CDH23: variants seen among roughly 807,000 people sequenced by gnomAD.
CDH23 encodes the protein cadherin related 23, also known as cadherin-23.
CDH23 carries 189 observed loss-of-function variants against 317.1 expected under a neutral mutation model. The ratio of observed to expected loss-of-function variants is 0.60; its 90% CI spans 0.53 to 0.67. CDH23 has a LOEUF of 0.67. Among genes scored for constraint, CDH23 ranks in the 30% least tolerant of loss-of-function variants. CDH23 has a pLI of 0.00. For missense variants in CDH23, 4,401 were observed against 4,592.4 expected (o/e 0.96, Z 1.20); for synonymous variants, 1,839 against 1,876.8 (o/e 0.98, Z 0.52).
intron 3 of CDH23, among the ~76,000 whole-genome samples, chr10:71,490,721 A>G (rs1432234517): frequency 6.6e-6 from 1 of 152,226 alleles, no homozygotes; most frequent in Non-Finnish European, 1.5e-5. Context: ...CTTATTGAAC[A>G]TGGACTTATG....
intron 8 of CDH23, among the ~76,000 whole-genome samples, chr10:71,573,450 A>G (rs1215135176): frequency 6.6e-6 from 1 of 152,162 alleles, no homozygotes; most frequent in Non-Finnish European, 1.5e-5. Context: ...GGCTGGTCCC[A>G]TGTGCAGGCC....
At chr10:71,684,084 AAAACAAAC>A (rs1244310435) in intron 18 of CDH23, among the ~76,000 whole-genome samples, 1 of 134,730 alleles carries the variant, frequency 7.4e-6, no homozygotes, top group African/African-American at 2.8e-5. Flanking sequence ...TCCATCTCAA[AAAACAAAC>A]AAACAAACAA....
chr10:71,767,290 A>G (rs1867982), intron 38 of CDH23, among the ~76,000 whole-genome samples: 136,654 of 152,240 alleles, frequency 0.9, 61,604 homozygotes, highest in African/African-American at 0.97. Context: ...TTTTCATGAC[A>G]GGGCGTGAGC....
At position 71,812,629 on chromosome 10, in the gene CDH23, GCA is replaced by G. The variant is rs1841979575; in HGVS notation, c.9510+21_9510+22del. On this transcript the variant is annotated intron_variant, in intron 67 of 69. Coordinates refer to ENST00000224721, the MANE Select transcript of CDH23 (RefSeq NM_022124.6). ...ACCCATGTGAGCCAGAGGCGGTCAG[GCA>G]TCACAAGGGGCAGGGGTGGAGGGGC... 1 of 1,601,982 alleles carries G rather than the reference GCA, an allele frequency of 6.2e-7. No homozygotes were observed. Among genetic ancestry groups the G allele is most frequent in the African/African-American group, 1.5e-5 (1 of 65,076 alleles).
intron 41 of CDH23, among the ~76,000 whole-genome samples, chr10:71,783,792 G>A (rs1218984754): frequency 6.6e-6 from 1 of 152,224 alleles, no homozygotes; most frequent in Non-Finnish European, 1.5e-5. Flanking sequence ...CCTGCCCGGT[G>A]CCTGCGCATT....
intron 3 of CDH23, among the ~76,000 whole-genome samples, chr10:71,455,316 T>A (rs1378186317): frequency 3.3e-5 from 5 of 152,152 alleles, no homozygotes; most frequent in Admixed American, 3.3e-4. Context: ...ATACTATTAA[T>A]GAGAGTTTAT....
chr10:71,701,877 G>A (rs915232650), intron 22 of CDH23, 145 bp from the exon 23 acceptor site: 2 of 775,914 alleles, frequency 2.6e-6, no homozygotes, highest in Non-Finnish European at 4.2e-6. Flanking sequence ...CCCCCTACCG[G>A]GCCCAGCGGG....
At chr10:71,501,201 A>T (rs1238807547) in intron 3 of CDH23, among the ~76,000 whole-genome samples, 1 of 152,202 alleles carries the variant, frequency 6.6e-6, no homozygotes, top group Non-Finnish European at 1.5e-5. Flanking sequence ...TATAACAGGG[A>T]TGCTAACCCC....
At chr10:71,457,470 C>T (rs1850750773) in intron 3 of CDH23, among the ~76,000 whole-genome samples, 1 of 151,594 alleles carries the variant, frequency 6.6e-6, no homozygotes, top group Non-Finnish European at 1.5e-5. Flanking sequence ...TGACCACACT[C>T]TTACCGCCCT....
intron 28 of CDH23, among the ~76,000 whole-genome samples, chr10:71,719,354 C>T (rs1427400607): frequency 2.0e-5 from 3 of 152,172 alleles, no homozygotes; most frequent in Admixed American, 6.5e-5. Context: ...GGTGCACCAG[C>T]GGGCCCTGCT....
At chr10:71,451,351 T>G (rs7917168) in intron 3 of CDH23, among the ~76,000 whole-genome samples, 62,525 of 151,936 alleles carry the variant, frequency 0.41, 13,106 homozygotes, top group Middle Eastern at 0.57. Context: ...TGCTCAAGTC[T>G]CTCCCTCCCA....
At chr10:71,524,977 A>G (rs763359298) in intron 6 of CDH23, among the ~76,000 whole-genome samples, 8 of 152,218 alleles carry the variant, frequency 5.3e-5, no homozygotes, top group Non-Finnish European at 1.0e-4. Flanking sequence ...GTATAGTCTC[A>G]GCTCACTGCA....
chr10:71,793,052 G>A (rs1841305609), intron 47 of CDH23, 130 bp from the exon 48 acceptor site: 2 of 602,858 alleles, frequency 3.3e-6, no homozygotes, highest in East Asian at 2.8e-5. Context: ...GTATGAAAAA[G>A]GTATAAAAGA....
At chr10:71,659,987 A>C (rs1421727038) in intron 14 of CDH23, among the ~76,000 whole-genome samples, 5 of 111,042 alleles carry the variant, frequency 4.5e-5, no homozygotes, top group Non-Finnish European at 7.1e-5. Flanking sequence ...TTTTAGACGG[A>C]GCCTCGCTCC....
At chr10:71,709,241 A>G (rs1399538761) in intron 27 of CDH23, 30 bp downstream of exon 27, 1 of 1,588,714 alleles carries the variant, frequency 6.3e-7, no homozygotes, top group Non-Finnish European at 8.6e-7. Context: ...CCACCAACAC[A>G]GTGATCTGGG....
intron 38 of CDH23, chr10:71,761,875 G>T: frequency 1.2e-6 from 2 of 1,614,112 alleles, no homozygotes; most frequent in Non-Finnish European, 1.7e-6. Flanking sequence ...TCTGCACCTC[G>T]CCCCTCGAGC....
At chr10:71,420,539 A>ATGG (rs1848754921) in intron 1 of CDH23, among the ~76,000 whole-genome samples, 1 of 3,246 alleles carries the variant, frequency 3.1e-4, no homozygotes, top group Non-Finnish European at 7.1e-4. Context: ...GATGATGATG[A>ATGG]TGATGGTGAT....
chr10:71,427,223 A>AAGAAAG lies in CDH23; in HGVS notation c.-5-12602_-5-12597dup, dbSNP rs1397803509. Among the ~76,000 whole-genome samples the AAGAAAG allele has an allele frequency of 9.5e-5, 7 of 73,374 alleles. 2 individuals carry two copies. The highest frequency in any genetic ancestry group is 2.0e-4 in the Non-Finnish European group (7 of 34,266). 48.1% of individuals were successfully genotyped at this position (73,374 alleles called of 152,430 possible). On this transcript the variant is annotated intron_variant, in intron 1 of 69. Coordinates refer to ENST00000224721, the MANE Select transcript of CDH23 (RefSeq NM_022124.6). ...AAAGAAAGAAAGAAAGAAAGAAAGAAAGAAAGAAAGAAAGAAAGAAAGGGA... is the reference window on the plus strand; with the variant it reads ...AAAGAAAGAAAGAAAGAAAGAAAGAAAGAAAGAGAAAGAAAGAAAGAAAGAAAGGGA...
intron 11 of CDH23, among the ~76,000 whole-genome samples, chr10:71,643,619 C>T (rs1862678707): frequency 6.6e-6 from 1 of 151,954 alleles, no homozygotes; most frequent in African/African-American, 2.4e-5. Context: ...CCATGCTTGT[C>T]CCTCTTCTTC....
Sources: allele counts gnomAD v4.1 joint callset (sites outside exome capture counted in the v4.1 genomes callset), GRCh38; gene constraint gnomAD v4.1.1; transcripts MANE v1.5; gene names NCBI Gene and HGNC (gene_info 2026-07-23, HGNC 2026-07-21).